Variants in VIPR2 observed in about 807,000 individuals in gnomAD.
The protein encoded by VIPR2 is vasoactive intestinal peptide receptor 2, also known as vasoactive intestinal polypeptide receptor 2.
VIPR2 carries 48 observed loss-of-function variants against 58.0 expected under a neutral mutation model. The observed-to-expected ratio is 0.83, with a 90% CI of 0.66 to 1.05. The LOEUF (loss-of-function observed/expected upper bound fraction) is 1.05, where lower values mean the gene tolerates loss of function less well. VIPR2 is among the 50% of genes least tolerant of loss of function. The probability of loss-of-function intolerance (pLI) is 0.00; values close to 1 mark genes in which losing one functional copy is unlikely to be tolerated. For synonymous variants in VIPR2, 243 were observed against 235.2 expected (o/e 1.03, Z -0.30); for missense variants, 534 against 558.0 (o/e 0.96, Z 0.43).
chr7:159,084,700 G>C (rs1857083004), intron 4 of VIPR2, among the ~76,000 whole-genome samples: 1 of 152,202 alleles, frequency 6.6e-6, no homozygotes, highest in African/African-American at 2.4e-5. Flanking sequence ...TGGGCCTGTT[G>C]GGGGGCCTCT....
rs747798339 is a variant in VIPR2, at chr7:159,034,632, G to A, written c.828C>T (p.Asp276=). Reference sequence around the variant, plus strand: ...GTATGACCCACCAGGGCACACTGTGGTCGTTTGTATCCCAGCAACTGTCAG... The same window carrying A: ...GTATGACCCACCAGGGCACACTGTGATCGTTTGTATCCCAGCAACTGTCAG... ...LEDTGCWDTN[D]HSVPWWVIRI... is the part of the protein sequence containing the mutation. The change falls in exon 9 of 13, where the codon GAC becomes GAT. Residue 276 remains aspartate, a synonymous_variant. Coordinates refer to ENST00000262178, the MANE Select transcript of VIPR2 (RefSeq NM_003382.5). 13 of 1,613,876 alleles carry A rather than the reference G, an allele frequency of 8.1e-6. No homozygotes were observed. In the Admixed American group the frequency reaches 1.5e-4, roughly 19 times the overall value.
At chr7:159,074,363 G>A (rs1382625769) in intron 4 of VIPR2, among the ~76,000 whole-genome samples, 1 of 152,288 alleles carries the variant, frequency 6.6e-6, no homozygotes, top group East Asian at 1.9e-4. Flanking sequence ...TGCTCAGGAC[G>A]CCATTTCCTA....
chr7:159,055,324 G>A (rs1372290468), intron 5 of VIPR2, among the ~76,000 whole-genome samples: 3 of 152,190 alleles, frequency 2.0e-5, no homozygotes, highest in Admixed American at 2.0e-4. Flanking sequence ...TAGACACCGG[G>A]TGGCTGCAGG....
intron 2 of VIPR2, among the ~76,000 whole-genome samples, chr7:159,141,539 T>TG (rs1199858889): frequency 6.6e-5 from 10 of 152,266 alleles, no homozygotes; most frequent in Admixed American, 2.0e-4. Context: ...AAAAACACAC[T>TG]GGACTTCTAC....
chr7:159,091,908 G>A (rs533777574), intron 4 of VIPR2, among the ~76,000 whole-genome samples: 10 of 152,312 alleles, frequency 6.6e-5, no homozygotes, highest in African/African-American at 1.2e-4. Context: ...CGGGCAGATC[G>A]CCTGAGGCCA....
intron 2 of VIPR2, among the ~76,000 whole-genome samples, chr7:159,116,615 G>A (rs985810253): frequency 9.2e-5 from 14 of 152,214 alleles, no homozygotes; most frequent in African/African-American, 3.4e-4. Flanking sequence ...CAGAAAAACG[G>A]ACCCTGTGAT....
At chr7:159,065,316 G>A (rs7782658) in intron 4 of VIPR2, among the ~76,000 whole-genome samples, 48,554 of 152,010 alleles carry the variant, frequency 0.32, 8,544 homozygotes, top group African/African-American at 0.48. Flanking sequence ...TACAGGAGGA[G>A]CCCGCAGGAG....
Position 159,128,332 on chromosome 7 carries a change from GC to G in VIPR2, c.151+14113del, listed in dbSNP as rs1374227240. Among the ~76,000 whole-genome samples the G allele has an allele frequency of 1.3e-5, 2 of 152,196 alleles. No homozygotes were observed. Among genetic ancestry groups the G allele is most frequent in the Non-Finnish European group, 2.9e-5 (2 of 68,034 alleles). On this transcript the variant is annotated intron_variant, in intron 2 of 12. Coordinates refer to ENST00000262178, the MANE Select transcript of VIPR2 (RefSeq NM_003382.5). The surrounding 1 kb of genome is among the most constrained non-coding windows in gnomAD (Gnocchi z 4.1). Reference sequence around the variant, plus strand: ...TCCTCCAACCCCTGACCACCCTGGAGCAGTTCTGAGCCTGCAGTGGTCTCCT... The same window carrying G: ...TCCTCCAACCCCTGACCACCCTGGAGAGTTCTGAGCCTGCAGTGGTCTCCT...
intron 4 of VIPR2, among the ~76,000 whole-genome samples, chr7:159,084,347 G>A (rs540458690): frequency 1.5e-4 from 23 of 152,338 alleles, no homozygotes; most frequent in South Asian, 2.1e-4. Context: ...GAGTGATGGG[G>A]CAGGCGGCTG....
Position 159,098,638 on chromosome 7 carries a change from G to C in VIPR2, c.357+5119C>G, listed in dbSNP as rs116349435. 0.022 allele frequency among the ~76,000 whole-genome samples: 3,354 copies of C among 152,240 alleles called. 136 individuals are homozygous for C. The highest frequency in any genetic ancestry group is 0.077 in the African/African-American group (3,191 of 41,536). On this transcript the variant is annotated intron_variant, in intron 4 of 12. Coordinates refer to ENST00000262178, the MANE Select transcript of VIPR2 (RefSeq NM_003382.5). The surrounding 1 kb of genome is among the most constrained non-coding windows in gnomAD (Gnocchi z 5.2). ...CTCAGCAGTGCCCAGGGCTGCCCTA[G>C]AGCCCTCTGGTCCGCAGAGCCCTTC...
At chr7:159,063,607 C>T (rs1363901019) in intron 4 of VIPR2, among the ~76,000 whole-genome samples, 1 of 151,492 alleles carries the variant, frequency 6.6e-6, no homozygotes, top group African/African-American at 2.4e-5. Context: ...AAGCGCTCCT[C>T]AAGCGCGGCC....
At chr7:159,059,050 C>CA (rs1194942096) in intron 4 of VIPR2, among the ~76,000 whole-genome samples, 1 of 152,100 alleles carries the variant, frequency 6.6e-6, no homozygotes, top group Non-Finnish European at 1.5e-5. Context: ...AAGCCAGAGC[C>CA]AGCTGCTGAG....
intron 7 of VIPR2, 101 bp from the exon 8 acceptor site, chr7:159,036,113 G>T: frequency 1.5e-6 from 2 of 1,355,120 alleles, no homozygotes; most frequent in South Asian, 2.9e-5. Flanking sequence ...GCTTTCTCAC[G>T]GGAATATTAA....
intron 6 of VIPR2, among the ~76,000 whole-genome samples, chr7:159,042,782 C>G (rs1854424780): frequency 1.3e-5 from 2 of 152,172 alleles, no homozygotes; most frequent in Admixed American, 1.3e-4. Flanking sequence ...GGTCAGGGCT[C>G]AGGGCCCTTT....
chr7:159,043,470 A>C (rs1854467184), intron 5 of VIPR2, among the ~76,000 whole-genome samples: 1 of 152,340 alleles, frequency 6.6e-6, no homozygotes, highest in African/African-American at 2.4e-5. Context: ...CAATTAAAAA[A>C]CTGTTAAAAT....
At chr7:159,050,354 C>CAAAAAAAAAAACAAAAAAAA (rs1854917943) in intron 5 of VIPR2, among the ~76,000 whole-genome samples, 1 of 139,172 alleles carries the variant, frequency 7.2e-6, no homozygotes, top group African/African-American at 2.7e-5. Flanking sequence ...CACAAAAAAA[C>CAAAAAAAAAAACAAAAAAAA]AAAAAAAAAA....
At chr7:159,042,908 G>C in intron 6 of VIPR2, 127 bp downstream of exon 6, 10 of 1,298,214 alleles carry the variant, frequency 7.7e-6, no homozygotes, top group Non-Finnish European at 1.0e-5. Flanking sequence ...CAGGCTCTCT[G>C]TTTCTCAGCC....
At chr7:159,084,216 A>G (rs1281923536) in intron 4 of VIPR2, among the ~76,000 whole-genome samples, 1 of 152,270 alleles carries the variant, frequency 6.6e-6, no homozygotes, top group Non-Finnish European at 1.5e-5. Context: ...GGCAAAGGCC[A>G]TGCCTCTGAG....
chr7:159,065,450 A>G (rs1399162255), intron 4 of VIPR2, among the ~76,000 whole-genome samples: 1 of 152,050 alleles, frequency 6.6e-6, no homozygotes. Context: ...CCGTGGCTGG[A>G]GAGTGGAGGC....
Sources: allele counts gnomAD v4.1 joint callset (sites outside exome capture counted in the v4.1 genomes callset), GRCh38; gene constraint gnomAD v4.1.1; non-coding constraint Gnocchi (gnomAD v3.1); transcripts MANE v1.5; gene names NCBI Gene and HGNC (gene_info 2026-07-23, HGNC 2026-07-21).